COL23A1: variants seen among roughly 807,000 people sequenced by gnomAD.
COL23A1 encodes the protein collagen type XXIII alpha 1 chain.
A neutral mutation model predicts 99.3 loss-of-function variants in COL23A1; 97 were observed. That is an observed-to-expected ratio of 0.98 (90% CI 0.83 to 1.16). The LOEUF is 1.16. COL23A1 is among the 50% of genes most tolerant of loss of function. The pLI is 0.00. For synonymous variants in COL23A1, 320 were observed against 308.2 expected (o/e 1.04, Z -0.40); for missense variants, 762 against 757.4 (o/e 1.01, Z -0.07).
chr5:178,524,254 C>T (rs1367984598), intron 2 of COL23A1, among the ~76,000 whole-genome samples: 1 of 152,174 alleles, frequency 6.6e-6, no homozygotes, highest in African/African-American at 2.4e-5. Context: ...GGCTTCATTC[C>T]CAGGGGAGCC....
chr5:178,299,905 C>A (rs1021105601), intron 3 of COL23A1, among the ~76,000 whole-genome samples: 1 of 150,318 alleles, frequency 6.7e-6, no homozygotes, highest in African/African-American at 2.5e-5. Context: ...AGGCGCCCAC[C>A]ACCACACCCA....
At chr5:178,358,374 G>A (rs1761921871) in intron 2 of COL23A1, among the ~76,000 whole-genome samples, 2 of 150,394 alleles carry the variant, frequency 1.3e-5, no homozygotes, top group Admixed American at 6.6e-5. Flanking sequence ...GTGTACGTGT[G>A]TATGTCTAAT....
intron 1 of COL23A1, among the ~76,000 whole-genome samples, chr5:178,588,617 A>T (rs145269425): frequency 6.6e-6 from 1 of 152,326 alleles, no homozygotes; most frequent in East Asian, 1.9e-4. Flanking sequence ...AGGGTAAAAT[A>T]GGAAATCATT....
intron 2 of COL23A1, among the ~76,000 whole-genome samples, chr5:178,445,866 C>T (rs1767130051): frequency 6.6e-6 from 1 of 151,918 alleles, no homozygotes; most frequent in African/African-American, 2.4e-5. Context: ...AAACTGAAAA[C>T]CATTTTGCAA....
intron 2 of COL23A1, among the ~76,000 whole-genome samples, chr5:178,453,085 T>C (rs1767579744): frequency 6.6e-6 from 1 of 152,192 alleles, no homozygotes; most frequent in South Asian, 2.1e-4. Flanking sequence ...GAAAAACCAA[T>C]GAAGAAGCTC....
At chr5:178,483,063 C>T (rs1413021177) in intron 2 of COL23A1, among the ~76,000 whole-genome samples, 1 of 151,682 alleles carries the variant, frequency 6.6e-6, no homozygotes, top group Non-Finnish European at 1.5e-5. Flanking sequence ...CAGAGTAAGA[C>T]TCTGTCTCGA....
At position 178,468,226 on chromosome 5, in the gene COL23A1, A is replaced by G. The variant is rs1254953673; in HGVS notation, c.361+92456T>C. Among the ~76,000 whole-genome samples, 2 of 146,522 alleles carry G rather than the reference A, an allele frequency of 1.4e-5. No individual in the cohort carries two copies. The highest frequency in any genetic ancestry group is 6.7e-5 in the Admixed American group (1 of 14,870). ...CCCACCCAGACCCCACCCAGACTCC[A>G]GCCAGAAGCCACGGCAAGCCGCCAG... On this transcript the variant is annotated intron_variant, in intron 2 of 28. Coordinates refer to ENST00000390654, the MANE Select transcript of COL23A1 (RefSeq NM_173465.4). The surrounding 1 kb of genome is among the most constrained non-coding windows in gnomAD (Gnocchi z 4.2).
At chr5:178,418,079 A>G (rs946111217) in intron 2 of COL23A1, among the ~76,000 whole-genome samples, 1 of 152,202 alleles carries the variant, frequency 6.6e-6, no homozygotes, top group African/African-American at 2.4e-5. Context: ...CTTGGCACTC[A>G]TGTGCCCTGA....
chr5:178,293,580 G>A (rs1757578022), intron 3 of COL23A1, among the ~76,000 whole-genome samples: 1 of 152,076 alleles, frequency 6.6e-6, no homozygotes, highest in South Asian at 2.1e-4. Context: ...CTCTCCAGCT[G>A]GGTAATCTGC....
intron 1 of COL23A1, among the ~76,000 whole-genome samples, chr5:178,580,385 A>G (rs1581677299): frequency 6.6e-6 from 1 of 150,720 alleles, no homozygotes; most frequent in Non-Finnish European, 1.5e-5. Context: ...TGCCCAGGAC[A>G]CACATGGGAC....
chr5:178,552,550 A>C (rs796758434), intron 2 of COL23A1, among the ~76,000 whole-genome samples: 92 of 152,136 alleles, frequency 6.0e-4, no homozygotes, highest in African/African-American at 2.0e-3. Flanking sequence ...AAATAATCCC[A>C]AAAAGGGTAA....
At chr5:178,580,902 G>A (rs911005662) in intron 1 of COL23A1, among the ~76,000 whole-genome samples, 38 of 152,082 alleles carry the variant, frequency 2.5e-4, no homozygotes, top group Admixed American at 2.4e-3. Context: ...CCAGATACTC[G>A]GGAGGCTGAG....
intron 2 of COL23A1, among the ~76,000 whole-genome samples, chr5:178,436,021 A>G (rs946336870): frequency 2.0e-5 from 3 of 152,216 alleles, no homozygotes; most frequent in African/African-American, 7.2e-5. Flanking sequence ...ATGCACAGCA[A>G]GCATGCTTAA....
chr5:178,268,692 C>T (rs569023886), intron 7 of COL23A1, 38 bp downstream of exon 7: 2 of 1,586,432 alleles, frequency 1.3e-6, no homozygotes, highest in East Asian at 2.3e-5. Context: ...GATTCTTCGC[C>T]TGCCTACCAC....
At chr5:178,557,384 G>A (rs944522734) in intron 2 of COL23A1, among the ~76,000 whole-genome samples, 2 of 152,190 alleles carry the variant, frequency 1.3e-5, no homozygotes, top group African/African-American at 4.8e-5. Context: ...TATCTTTTGA[G>A]GGCGACAGGA....
intron 2 of COL23A1, among the ~76,000 whole-genome samples, chr5:178,521,615 A>G (rs1759951601): frequency 6.6e-6 from 1 of 152,166 alleles, no homozygotes; most frequent in African/African-American, 2.4e-5. Context: ...CTGTGCATCA[A>G]TTGATGGATG....
intron 1 of COL23A1, among the ~76,000 whole-genome samples, chr5:178,574,024 A>T (rs759535203): frequency 1.3e-5 from 2 of 151,912 alleles, no homozygotes; most frequent in Non-Finnish European, 2.9e-5. Context: ...ACGCCCGCCT[A>T]ATTTTTGTAT....
chr5:178,326,927 T>C lies in COL23A1; in HGVS notation c.362-20008A>G, dbSNP rs185886217. Among the ~76,000 whole-genome samples the C allele has an allele frequency of 2.3e-3, 348 of 152,256 alleles. 1 individual carries two copies. The highest frequency in any genetic ancestry group is 4.1e-3 in the Admixed American group (62 of 15,296). On this transcript the variant is annotated intron_variant, in intron 2 of 28. Coordinates refer to ENST00000390654, the MANE Select transcript of COL23A1 (RefSeq NM_173465.4). ...TAGAGACGGGGTTTCACCATGCTGG[T>C]CAGGCTGGTCTCGAACTCCTGACTT...
At position 178,384,218 on chromosome 5, in the gene COL23A1, C is replaced by T. The variant is rs887632352; in HGVS notation, c.362-77299G>A. Among the ~76,000 whole-genome samples, 1 of 152,224 alleles carries T rather than the reference C, an allele frequency of 6.6e-6. No individual in the cohort carries two copies. The highest frequency in any genetic ancestry group is 2.4e-5 in the African/African-American group (1 of 41,458). On this transcript the variant is annotated intron_variant, in intron 2 of 28. Coordinates refer to ENST00000390654, the MANE Select transcript of COL23A1 (RefSeq NM_173465.4). This position sits in a 1 kb window ranked among gnomAD's most constrained non-coding sequence, Gnocchi z 5.5. ...ACAACGAGAGCAGCGTGGAGCCAGA[C>T]GCTGCTGCGAGCTGAGCTGCGATCG...
Sources: allele counts gnomAD v4.1 joint callset (sites outside exome capture counted in the v4.1 genomes callset), GRCh38; gene constraint gnomAD v4.1.1; non-coding constraint Gnocchi (gnomAD v3.1); transcripts MANE v1.5; gene names NCBI Gene and HGNC (gene_info 2026-07-23, HGNC 2026-07-21).